Variants in BNC2 observed in about 807,000 individuals in gnomAD.
BNC2 encodes the protein zinc finger protein basonuclin-2.
BNC2 carries 20 observed loss-of-function variants against 76.3 expected under a neutral mutation model. That is an observed-to-expected ratio of 0.26 (90% CI 0.18 to 0.38). The LOEUF (loss-of-function observed/expected upper bound fraction) is 0.38, where lower values mean the gene tolerates loss of function less well. Among genes scored for constraint, BNC2 ranks in the 10% least tolerant of loss-of-function variants. BNC2 has a pLI of 1.00. For missense variants in BNC2, 1,382 were observed against 1,399.8 expected (o/e 0.99, Z 0.20); for synonymous variants, 582 against 514.8 (o/e 1.13, Z -1.77).
At position 16,501,165 on chromosome 9, in the gene BNC2, T is replaced by C. The variant is rs545008147; in HGVS notation, c.669+51365A>G. ...AATGAGCAAATATAAGTAACGCACT[T>C]AAAATTATATATGTGCTCTCTAATG... On this transcript the variant is annotated intron_variant, in intron 5 of 6. Transcript: ENST00000380672. Among the ~76,000 whole-genome samples, 15 of 152,310 alleles carry C rather than the reference T, an allele frequency of 9.8e-5. No homozygotes were observed. In the East Asian group the frequency reaches 2.5e-3, roughly 25 times the overall value.
chr9:16,502,049 A>G (rs1822529674), intron 5 of BNC2, among the ~76,000 whole-genome samples: 1 of 152,192 alleles, frequency 6.6e-6, no homozygotes, highest in South Asian at 2.1e-4. Flanking sequence ...TAGGAAATGT[A>G]ACATATCCTT....
At chr9:16,785,680 C>T (rs1302545088) in intron 1 of BNC2, among the ~76,000 whole-genome samples, 4 of 151,460 alleles carry the variant, frequency 2.6e-5, no homozygotes. Context: ...TGAGCCACCA[C>T]GCCCAGCCTA....
chr9:16,681,345 C>G (rs1253458364), intron 3 of BNC2, among the ~76,000 whole-genome samples: 3 of 152,126 alleles, frequency 2.0e-5, no homozygotes, highest in African/African-American at 4.8e-5. Context: ...GAAAAAGGAG[C>G]TGAATAAACT....
At chr9:16,474,414 G>A (rs536370262) in intron 5 of BNC2, among the ~76,000 whole-genome samples, 2 of 152,132 alleles carry the variant, frequency 1.3e-5, no homozygotes, top group African/African-American at 4.8e-5. Flanking sequence ...AGAAGGCTGA[G>A]GCAATGGTAT....
intron 3 of BNC2, among the ~76,000 whole-genome samples, chr9:16,660,289 T>C (rs1587285310): frequency 6.6e-6 from 1 of 152,058 alleles, no homozygotes; most frequent in African/African-American, 2.4e-5. Context: ...ACTCTGTCTC[T>C]ACTAAAAATA....
chr9:16,824,585 C>T (rs780902439), intron 1 of BNC2, among the ~76,000 whole-genome samples: 58 of 152,150 alleles, frequency 3.8e-4, no homozygotes, highest in Non-Finnish European at 7.5e-4. Context: ...GGAGTGATGA[C>T]TGAGAGGCCC....
intron 3 of BNC2, among the ~76,000 whole-genome samples, chr9:16,609,620 A>C (rs1033277024): frequency 6.6e-6 from 1 of 152,198 alleles, no homozygotes; most frequent in Non-Finnish European, 1.5e-5. Flanking sequence ...AGATGGCTAC[A>C]AACTATTCAG....
At chr9:16,866,517 C>G (rs1819547384) in intron 1 of BNC2, among the ~76,000 whole-genome samples, 1 of 151,948 alleles carries the variant, frequency 6.6e-6, no homozygotes. Flanking sequence ...AAACTACAAA[C>G]AGTAGTTAGT....
At chr9:16,600,145 G>A (rs562230525) in intron 3 of BNC2, among the ~76,000 whole-genome samples, 2 of 152,300 alleles carry the variant, frequency 1.3e-5, no homozygotes, top group South Asian at 4.1e-4. Flanking sequence ...ACATCAGTTG[G>A]ATTTCTGTAA....
At chr9:16,868,151 G>A (rs1176126545) in intron 1 of BNC2, 1 of 152,168 alleles carries the variant, frequency 6.6e-6, no homozygotes, top group African/African-American at 2.4e-5. Flanking sequence ...GAAACGAGAG[G>A]TCTGGGCCGG....
intron 1 of BNC2, among the ~76,000 whole-genome samples, chr9:16,739,992 C>A (rs562739662): frequency 6.6e-6 from 1 of 150,836 alleles, no homozygotes; most frequent in Non-Finnish European, 1.5e-5. Context: ...CATCCAGCAG[C>A]CATCTACACA....
At chr9:16,689,800 C>T (rs892203847) in intron 3 of BNC2, among the ~76,000 whole-genome samples, 4 of 151,994 alleles carry the variant, frequency 2.6e-5, no homozygotes, top group Non-Finnish European at 5.9e-5. Context: ...CAATGCCAAG[C>T]GGCAAGAGGA....
At chr9:16,824,743 G>C (rs1157219626) in intron 1 of BNC2, among the ~76,000 whole-genome samples, 2 of 152,164 alleles carry the variant, frequency 1.3e-5, no homozygotes, top group African/African-American at 2.4e-5. Flanking sequence ...GCCACAGAGG[G>C]AACCTGTTTC....
chr9:16,529,244 G>C (rs917437801), intron 5 of BNC2, among the ~76,000 whole-genome samples: 1 of 152,154 alleles, frequency 6.6e-6, no homozygotes, highest in Middle Eastern at 3.2e-3. Context: ...CCAGGGATTT[G>C]ACATGGATAT....
chr9:16,671,292 T>C (rs1358558095), intron 3 of BNC2, among the ~76,000 whole-genome samples: 1 of 152,076 alleles, frequency 6.6e-6, no homozygotes, highest in Non-Finnish European at 1.5e-5. Context: ...ATGGATAAAA[T>C]AATATGTGAT....
In BNC2 at chr9:16,685,713, G is replaced by A. The variant is rs974680678; in HGVS notation, c.330+42084C>T. On this transcript the variant is annotated intron_variant, in intron 3 of 6. Transcript: ENST00000380672. The stretch of plus-strand genomic sequence containing the variant: ...TCACACTTGACCCAGGCAGAGAGAG[G>A]AAATCCCAACTGCGGGTCTCTAACA... The A allele has an allele frequency of 4.3e-6, 4 of 921,848 alleles. No homozygotes were observed. The African/African-American group carries it at 6.8e-5, about 16-fold the overall frequency. The allele number at this position is 921,848 out of a possible 1,614,324, so 57.1% of individuals were successfully genotyped here.
intron 3 of BNC2, among the ~76,000 whole-genome samples, chr9:16,604,082 C>A (rs1470024792): frequency 6.6e-6 from 1 of 152,064 alleles, no homozygotes; most frequent in Non-Finnish European, 1.5e-5. Flanking sequence ...TGGATGTTGG[C>A]AAGATAGATG....
chr9:16,539,765 A>G (rs1275883966), intron 5 of BNC2, among the ~76,000 whole-genome samples: 50 of 87,040 alleles, frequency 5.7e-4, no homozygotes, highest in African/African-American at 3.1e-3. Flanking sequence ...AAAGGAAAGG[A>G]AAAGAAAGGA....
intron 4 of BNC2, among the ~76,000 whole-genome samples, chr9:16,556,759 T>C (rs561324652): frequency 2.9e-5 from 4 of 135,694 alleles, no homozygotes; most frequent in Non-Finnish European, 6.0e-5. Flanking sequence ...AGAGCGAGAC[T>C]CTAACTCAAA....
Sources: allele counts gnomAD v4.1 joint callset (sites outside exome capture counted in the v4.1 genomes callset), GRCh38; gene constraint gnomAD v4.1.1; transcripts MANE v1.5; gene names NCBI Gene and HGNC (gene_info 2026-07-23, HGNC 2026-07-21).